Variants in CD28 observed in about 807,000 individuals in gnomAD.
CD28 encodes CD28 molecule.
CD28 carries 8 observed loss-of-function variants against 21.4 expected under a neutral mutation model. The observed-to-expected ratio is 0.37, with a 90% CI of 0.22 to 0.68. The LOEUF is 0.68. CD28 is among the 30% of genes least tolerant of loss of function. CD28 has a pLI of 0.55. For missense variants in CD28, 239 were observed against 272.2 expected, an observed-to-expected ratio of 0.88 and a Z score of 0.86; for synonymous variants, 106 against 104.0, an observed-to-expected ratio of 1.02 and a Z score of -0.12.
intron 1 of CD28, among the ~76,000 whole-genome samples, chr2:203,716,101 T>C (rs972135258): frequency 3.3e-5 from 5 of 152,122 alleles, no homozygotes; most frequent in Admixed American, 2.0e-4. Context: ...TCTGGTAAAA[T>C]CTATGTGCCT....
chr2:203,722,795 T>G (rs910150283), intron 1 of CD28, among the ~76,000 whole-genome samples: 22 of 152,196 alleles, frequency 1.4e-4, no homozygotes, highest in African/African-American at 5.3e-4. Context: ...AAGGAGTTAG[T>G]AGACAAGGCA....
At chr2:203,714,751 A>C (rs1693420760) in intron 1 of CD28, among the ~76,000 whole-genome samples, 1 of 152,138 alleles carries the variant, frequency 6.6e-6, no homozygotes, top group African/African-American at 2.4e-5. Context: ...CCCCTTGTGG[A>C]TGCTCTTATG....
intron 3 of CD28, among the ~76,000 whole-genome samples, chr2:203,732,640 T>C (rs973183144): frequency 5.3e-5 from 8 of 152,152 alleles, no homozygotes; most frequent in African/African-American, 1.7e-4. Flanking sequence ...GGAGGAATGG[T>C]CCAGAAATTA....
At chr2:203,722,856 C>G (rs1158591936) in intron 1 of CD28, among the ~76,000 whole-genome samples, 1 of 152,110 alleles carries the variant, frequency 6.6e-6, no homozygotes, top group African/African-American at 2.4e-5. Context: ...CTTAAATGGT[C>G]TAATTAGGAG....
chr2:203,727,898 C>T (rs1693795204), intron 2 of CD28, among the ~76,000 whole-genome samples: 1 of 152,146 alleles, frequency 6.6e-6, no homozygotes, highest in Admixed American at 6.5e-5. Context: ...AGGATGGTCT[C>T]GATTTCCTGA....
At chr2:203,723,926 A>G (rs1447468010) in intron 1 of CD28, among the ~76,000 whole-genome samples, 1 of 152,256 alleles carries the variant, frequency 6.6e-6, no homozygotes, top group Non-Finnish European at 1.5e-5. Context: ...ACGTCCACAC[A>G]AAAATCTGTA....
chr2:203,728,830 GAGA>G (rs1179115032), intron 2 of CD28, among the ~76,000 whole-genome samples: 2 of 152,082 alleles, frequency 1.3e-5, no homozygotes, highest in Admixed American at 6.6e-5. Flanking sequence ...TGTTAGAACT[GAGA>G]AGGACACCAA....
At chr2:203,715,640 G>A (rs777440742) in intron 1 of CD28, among the ~76,000 whole-genome samples, 1 of 152,114 alleles carries the variant, frequency 6.6e-6, no homozygotes, top group Non-Finnish European at 1.5e-5. Context: ...TAATACATAT[G>A]AACTTCCTAA....
At chr2:203,726,427 T>TC (rs1356808764) in intron 1 of CD28, among the ~76,000 whole-genome samples, 1 of 152,178 alleles carries the variant, frequency 6.6e-6, no homozygotes, top group Non-Finnish European at 1.5e-5. Context: ...GCTCCATTGT[T>TC]CCATTCAAAA....
chr2:203,726,605 C>G (rs1317917518), intron 1 of CD28, 28 bp from the exon 2 acceptor site: 2 of 1,529,964 alleles, frequency 1.3e-6, no homozygotes, highest in South Asian at 2.3e-5. Flanking sequence ...TATTCTTGTT[C>G]TAAGCAAATG....
chr2:203,733,488 C>T (rs1326921397), intron 3 of CD28, among the ~76,000 whole-genome samples: 3 of 151,640 alleles, frequency 2.0e-5, no homozygotes, highest in African/African-American at 7.3e-5. Flanking sequence ...TTTAGAGTGG[C>T]TTTGAGGTTT....
intron 1 of CD28, among the ~76,000 whole-genome samples, chr2:203,716,174 A>C (rs191778839): frequency 1.0e-3 from 154 of 152,294 alleles, no homozygotes; most frequent in Admixed American, 3.6e-3. Flanking sequence ...CATAAATGGA[A>C]TACTCTGCCA....
intron 1 of CD28, among the ~76,000 whole-genome samples, chr2:203,709,388 T>G (rs2106107376): frequency 6.6e-6 from 1 of 152,354 alleles, no homozygotes; most frequent in South Asian, 2.1e-4. Flanking sequence ...GAAGAATAGT[T>G]CTTTTTTCCA....
chr2:203,718,773 G>A (rs1693531481), intron 1 of CD28, among the ~76,000 whole-genome samples: 1 of 152,164 alleles, frequency 6.6e-6, no homozygotes. Context: ...ACAAACAAAT[G>A]TAATTCACAA....
chr2:203,734,741 C>G, intron 3 of CD28, 43 bp from the exon 4 acceptor site: 1 of 1,611,788 alleles, frequency 6.2e-7, no homozygotes. Context: ...AGAACTCCTT[C>G]CATGACATTG....
chr2:203,715,064 G>C (rs2106111565), intron 1 of CD28, among the ~76,000 whole-genome samples: 1 of 152,288 alleles, frequency 6.6e-6, no homozygotes, highest in African/African-American at 2.4e-5. Context: ...AAAATGTACT[G>C]TTGTCTTCAT....
intron 1 of CD28, among the ~76,000 whole-genome samples, chr2:203,723,083 G>T (rs749750115): frequency 6.6e-6 from 1 of 152,166 alleles, no homozygotes; most frequent in Non-Finnish European, 1.5e-5. Flanking sequence ...ATTTTTCCAG[G>T]TGATTCTAAA....
At position 203,726,617 on chromosome 2, in the gene CD28, T is replaced by C. The variant is rs201410002; in HGVS notation, c.53-16T>C. ...TTATATTCTTGTTCTAAGCAAATGATTTTTTTTTCCCCCAGGAAACAAGAT... is the reference window on the plus strand; with the variant it reads ...TTATATTCTTGTTCTAAGCAAATGACTTTTTTTTCCCCCAGGAAACAAGAT... On this transcript the variant is annotated splice_polypyrimidine_tract_variant and intron_variant, in intron 1 of 3. Transcript: ENST00000324106. The C allele has an allele frequency of 1.3e-4, 192 of 1,504,654 alleles. 3 individuals are homozygous for C. The South Asian group carries it at 2.1e-3, about 17-fold the overall frequency. 93.2% of individuals were successfully genotyped at this position (1,504,654 alleles called of 1,614,324 possible).
intron 1 of CD28, among the ~76,000 whole-genome samples, chr2:203,720,032 A>G (rs1448242847): frequency 6.6e-6 from 1 of 151,850 alleles, no homozygotes; most frequent in Non-Finnish European, 1.5e-5. Context: ...ACCCACTGCC[A>G]TTCTCATGGA....
Sources: allele counts gnomAD v4.1 joint callset (sites outside exome capture counted in the v4.1 genomes callset), GRCh38; gene constraint gnomAD v4.1.1; transcripts MANE v1.5; gene names NCBI Gene and HGNC (gene_info 2026-07-23, HGNC 2026-07-21).